Variants in LRRK2 observed in about 807,000 individuals in gnomAD.
The protein encoded by LRRK2 is leucine rich repeat kinase 2, also known as leucine-rich repeat serine/threonine-protein kinase 2.
A neutral mutation model predicts 302.6 loss-of-function variants in LRRK2; 203 were observed. The observed-to-expected ratio is 0.67, with a 90% CI of 0.60 to 0.75. LRRK2 has a LOEUF of 0.75. Ranked by LOEUF, LRRK2 falls within the 30% of genes least tolerant of loss-of-function variation. The probability of loss-of-function intolerance (pLI) is 0.00; values close to 1 mark genes in which losing one functional copy is unlikely to be tolerated. For synonymous variants in LRRK2, 1,066 were observed against 1,031.9 expected, an observed-to-expected ratio of 1.03 and a Z score of -0.63; for missense variants, 2,830 against 2,951.0, an observed-to-expected ratio of 0.96 and a Z score of 0.95.
chr12:40,336,150 A>G (rs973296128), intron 40 of LRRK2, among the ~76,000 whole-genome samples: 2 of 152,120 alleles, frequency 1.3e-5, no homozygotes, highest in African/African-American at 2.4e-5. Context: ...TCTTGGGTAC[A>G]GTGCTCAGCC....
Position 40,308,633 on chromosome 12 carries a change from TGGC to T in LRRK2, c.4127_4129del (p.Trp1376_Pro1377delinsSer). ...CACAGTTGGCATAGATGTGAAAGAC[TGGC>T]CTATCCAAATAAGAGACAAAAGAAA... On this transcript the variant is annotated inframe_deletion, in exon 29 of 51. Transcript: ENST00000298910. The T allele has an allele frequency of 6.2e-7, 1 of 1,614,018 alleles. No individual in the cohort carries two copies. Among genetic ancestry groups the T allele is most frequent in the South Asian group, 1.1e-5 (1 of 91,084 alleles).
chr12:40,318,720 A>G (rs991745940), intron 33 of LRRK2, among the ~76,000 whole-genome samples: 1 of 152,136 alleles, frequency 6.6e-6, no homozygotes, highest in African/African-American at 2.4e-5. Context: ...CAAAGAAAAT[A>G]TGAAGTGCAG....
At chr12:40,354,278 T>C (rs1303133546) in intron 44 of LRRK2, 21 bp from the exon 45 acceptor site, 1 of 1,600,420 alleles carries the variant, frequency 6.2e-7, no homozygotes, top group Non-Finnish European at 8.6e-7. Flanking sequence ...TCCTGCTAAG[T>C]ATATTTTCTT....
chr12:40,305,633 G>A, intron 27 of LRRK2, 152 bp from the exon 28 acceptor site: 1 of 733,038 alleles, frequency 1.4e-6, no homozygotes, highest in Non-Finnish European at 2.4e-6. Context: ...GACAACTTAT[G>A]ACAAACCTTT....
Position 40,322,095 on chromosome 12 carries a change from C to T in LRRK2, c.5231C>T (p.Pro1744Leu), listed in dbSNP as rs745753311. 2.5e-6 allele frequency: 4 copies of T among 1,613,436 alleles called. No homozygotes were observed. Among genetic ancestry groups the T allele is most frequent in the Non-Finnish European group, 3.4e-6 (4 of 1,179,530 alleles). Residue 1744 changes from proline (P) to leucine (L), a missense_variant, in exon 36 of 51, where the codon CCT (proline) becomes CTT (leucine). Pro to Leu is a moderately conservative substitution (Grantham distance 98). Transcript: ENST00000298910. ...WRQGIYLNWS[P>L]EAYCLVGSEV... ...CAAGGCATTTACTTAAATTGGTCTC[C>T]TGAAGCTTATTGTCTGGTAGGATCT...
At position 40,314,022 on chromosome 12, in the gene LRRK2, A is replaced by G. The variant is rs1945122368; in HGVS notation, c.4587A>G (p.Glu1529=). 1 of 1,612,346 alleles carries G rather than the reference A, an allele frequency of 6.2e-7. No homozygotes were observed. The highest frequency in any genetic ancestry group is 1.3e-5 in the African/African-American group (1 of 74,832). ...VGQLIPDCYV[E]LEKIILSERK... ...AGCTGATTCCAGACTGCTATGTAGA[A>G]CTTGAAAAAATCATTTTATCGGAGC... The change falls in exon 32 of 51, where the codon GAA becomes GAG. Residue 1529 remains glutamate, a synonymous_variant. Transcript: ENST00000298910.
At chr12:40,360,074 T>C (rs1946659099) in intron 47 of LRRK2, among the ~76,000 whole-genome samples, 1 of 152,182 alleles carries the variant, frequency 6.6e-6, no homozygotes, top group Non-Finnish European at 1.5e-5. Context: ...GGATTGTGGA[T>C]AAGAGCATAA....
chr12:40,270,685 T>C (rs1943194818), intron 14 of LRRK2, among the ~76,000 whole-genome samples: 1 of 152,112 alleles, frequency 6.6e-6, no homozygotes, highest in Non-Finnish European at 1.5e-5. Flanking sequence ...ATCCATCCAC[T>C]TTATTAGGGT....
intron 39 of LRRK2, among the ~76,000 whole-genome samples, chr12:40,333,844 G>A (rs1055334613): frequency 3.3e-5 from 5 of 152,056 alleles, no homozygotes; most frequent in Non-Finnish European, 7.4e-5. Flanking sequence ...GTCAGCACAG[G>A]CAAAGACCCT....
intron 23 of LRRK2, among the ~76,000 whole-genome samples, chr12:40,297,557 G>C (rs1944429682): frequency 2.0e-5 from 3 of 152,058 alleles, no homozygotes; most frequent in Admixed American, 2.0e-4. Flanking sequence ...CCTCTATAAT[G>C]ATATCAAACT....
At chr12:40,347,805 A>G (rs553552715) in intron 42 of LRRK2, among the ~76,000 whole-genome samples, 2 of 152,274 alleles carry the variant, frequency 1.3e-5, no homozygotes, top group South Asian at 2.1e-4. Context: ...TCTACTAAAA[A>G]TACAAAAAGT....
intron 3 of LRRK2, among the ~76,000 whole-genome samples, chr12:40,234,952 A>G (rs1941380985): frequency 1.3e-5 from 2 of 152,172 alleles, no homozygotes; most frequent in Admixed American, 6.5e-5. Context: ...TTATTGGAAA[A>G]TAAGTAGTGC....
chr12:40,228,920 G>C (rs1362992378), intron 2 of LRRK2, among the ~76,000 whole-genome samples: 2 of 152,166 alleles, frequency 1.3e-5, no homozygotes, highest in Non-Finnish European at 2.9e-5. Flanking sequence ...GAGGATCAAA[G>C]AGCTTGTGAC....
chr12:40,366,009 A>G (rs1410192291), intron 49 of LRRK2: 1 of 151,892 alleles, frequency 6.6e-6, no homozygotes, highest in Non-Finnish European at 1.5e-5. Flanking sequence ...TTGGGACCCA[A>G]ATAGCTTGCT....
Position 40,225,593 on chromosome 12 carries a change from C to A in LRRK2, c.190C>A (p.Leu64Met). The change falls in exon 2 of 51, where the codon CTG becomes ATG. Residue 64 changes from leucine (L) to methionine (M), a missense_variant. Leu to Met is a conservative substitution (Grantham distance 15, BLOSUM62 2). This residue lies in a region of LRRK2 where 2,121 missense variants were observed against 2,148.0 expected (regional missense o/e 0.99). Coordinates refer to ENST00000298910, the MANE Select transcript of LRRK2 (RefSeq NM_198578.4). ...TCAAGGCAAAAATATCCATGTGCCTCTGTTGATCGTCTTGGACTCCTATAT... is the reference window on the plus strand; with the variant it reads ...TCAAGGCAAAAATATCCATGTGCCTATGTTGATCGTCTTGGACTCCTATAT... Reference protein sequence around the residue: ...LFQGKNIHVPLLIVLDSYMRV... With the variant: ...LFQGKNIHVPMLIVLDSYMRV... The A allele has an allele frequency of 6.2e-7, 1 of 1,614,134 alleles. No individual in the cohort carries two copies.
rs200251719 is a variant in LRRK2, at chr12:40,284,115, A to T, written c.2482A>T (p.Asn828Tyr). The T allele has an allele frequency of 6.2e-7, 1 of 1,610,724 alleles. No individual in the cohort carries two copies. The highest frequency in any genetic ancestry group is 8.5e-7 in the Non-Finnish European group (1 of 1,177,894). ...LGPLFPDKTS[N>Y]LRKQTNIAST... ...TCCTTTATTTCCAGATAAGACTTCT[A>T]ATTTAAGGAAACAAACAAGTAAGTA... Residue 828 changes from asparagine (N) to tyrosine (Y), a missense_variant, in exon 19 of 51, where the codon AAT becomes TAT. Physicochemically the swap from Asn to Tyr is moderately radical, Grantham distance 143 (BLOSUM62 -2). Coordinates refer to ENST00000298910, the MANE Select transcript of LRRK2 (RefSeq NM_198578.4).
At chr12:40,325,121 A>T (rs1945505135) in intron 38 of LRRK2, among the ~76,000 whole-genome samples, 1 of 152,098 alleles carries the variant, frequency 6.6e-6, no homozygotes, top group Admixed American at 6.6e-5. Flanking sequence ...CCTCATCTCT[A>T]CTAAAAATAC....
chr12:40,244,889 T>C (rs992296634), intron 7 of LRRK2, among the ~76,000 whole-genome samples: 4 of 151,332 alleles, frequency 2.6e-5, no homozygotes, highest in African/African-American at 9.7e-5. Flanking sequence ...ATAATAATAA[T>C]TTTAAAAAAA....
intron 40 of LRRK2, among the ~76,000 whole-genome samples, chr12:40,335,549 C>T (rs948638528): frequency 1.3e-5 from 2 of 152,100 alleles, no homozygotes; most frequent in South Asian, 2.1e-4. Context: ...TTGGATTCTT[C>T]GGCATGACCA....
Sources: gnomAD v4.1 joint callset for allele counts (sites outside exome capture counted in the v4.1 genomes callset) on GRCh38, gnomAD v4.1.1 for gene constraint, gnomAD v4.1.1 regional missense constraint, MANE v1.5 for transcripts, NCBI Gene and HGNC (gene_info 2026-07-23, HGNC 2026-07-21) for gene names.